Variants in SMARCA4 observed in about 807,000 individuals in gnomAD.
SMARCA4 encodes SWI/SNF related BAF chromatin remodeling complex subunit ATPase 4.
A neutral mutation model predicts 193.9 loss-of-function variants in SMARCA4; 31 were observed. That is an observed-to-expected ratio of 0.16 (90% confidence interval 0.12 to 0.22). The LOEUF is 0.22. SMARCA4 is among the 10% of genes least tolerant of loss of function. The probability of loss-of-function intolerance (pLI) is 1.00; values close to 1 mark genes in which losing one functional copy is unlikely to be tolerated. For synonymous variants in SMARCA4, 942 were observed against 933.1 expected (o/e 1.01, Z -0.17); for missense variants, 1,148 against 2,296.0 (o/e 0.50, Z 10.22).
In SMARCA4 at chr19:10,984,309, G is replaced by C. The variant is rs1298750034; in HGVS notation, c.158G>C (p.Gly53Ala). 6.2e-7 allele frequency: 1 copy of C among 1,607,096 alleles called. No homozygotes were observed. The highest frequency in any genetic ancestry group is 8.5e-7 in the Non-Finnish European group (1 of 1,177,224). Residue 53 changes from glycine to alanine, a missense_variant, in exon 2 of 35, where the codon GGA (glycine) becomes GCA (alanine). This residue lies in a region of SMARCA4 where 201 missense variants were observed against 248.3 expected (regional missense o/e 0.81). Coordinates refer to ENST00000344626, the MANE Select transcript of SMARCA4 (RefSeq NM_003072.5). This position sits in a 1 kb window ranked among gnomAD's most constrained non-coding sequence, Gnocchi z 4.3. Reference sequence around the variant, plus strand: ...CCCAGCCCAGGGCCGCCCTCAGCAGGACACCCCATCCCCACCCAGGGGCCT... The same window carrying C: ...CCCAGCCCAGGGCCGCCCTCAGCAGCACACCCCATCCCCACCCAGGGGCCT... Reference protein sequence around the residue: ...MGPSPGPPSAGHPIPTQGPGG... With the variant: ...MGPSPGPPSAAHPIPTQGPGG...
intron 15 of SMARCA4, chr19:11,010,979 T>C (rs2088778248): frequency 3.9e-6 from 1 of 256,982 alleles, no homozygotes; most frequent in Non-Finnish European, 7.9e-6. Context: ...AGCTTAGATC[T>C]AGGAGCCGGC....
In SMARCA4 at chr19:10,987,239, A is replaced by G. The variant is rs1402878764; in HGVS notation, c.859+236A>G. ...TTCACCCAGTCCCTGAGCCCTGTAT[A>G]TGTAATTGCTCAGTAAGTGCTGCAG... On this transcript the variant is annotated intron_variant, in intron 5 of 34. Coordinates refer to ENST00000344626, the MANE Select transcript of SMARCA4 (RefSeq NM_003072.5). The surrounding 1 kb of genome is among the most constrained non-coding windows in gnomAD (Gnocchi z 5.3). 6.6e-6 allele frequency among the ~76,000 whole-genome samples: 1 copy of G among 152,114 alleles called. No individual in the cohort carries two copies. The highest frequency in any genetic ancestry group is 1.5e-5 in the Non-Finnish European group (1 of 68,016).
rs377573682 is a variant in SMARCA4, at chr19:11,041,428, G to A, written c.4292G>A (p.Arg1431His). Residue 1431 changes from arginine (R) to histidine (H), a missense_variant, in exon 30 of 35, where the codon CGC (arginine) becomes CAC (histidine). Physicochemically the swap from Arg to His is conservative, Grantham distance 29. Transcript: ENST00000344626. The surrounding 1 kb of genome is among the most constrained non-coding windows in gnomAD (Gnocchi z 5.6). The stretch of plus-strand genomic sequence containing the variant: ...ACCCCGACCACCAGCACCCGCAGCC[G>A]CGACAAGGACGACGAGAGCAAGAAG... Reference protein sequence around the residue: ...SSTPTTSTRSRDKDDESKKQK... With the variant: ...SSTPTTSTRSHDKDDESKKQK... 7 of 1,612,344 alleles carry A rather than the reference G, an allele frequency of 4.3e-6. No individual in the cohort carries two copies. Among genetic ancestry groups the A allele is most frequent in the South Asian group, 1.1e-5 (1 of 91,080 alleles).
At chr19:11,059,103 T>G in intron 32 of SMARCA4, 1 of 526,644 alleles carries the variant, frequency 1.9e-6, no homozygotes, top group Non-Finnish European at 3.4e-6. Flanking sequence ...AACAAGACCC[T>G]GTCTTTAAAA....
Position 11,031,069 on chromosome 19 carries a change from C to T in SMARCA4, c.3546+176C>T. The stretch of plus-strand genomic sequence containing the variant: ...TCATCAGGGAGAAAAGAGGCGGGGT[C>T]CTCCTGTTTCCCAAAATACAAACAG... On this transcript the variant is annotated intron_variant, in intron 25 of 34. Transcript: ENST00000344626. The surrounding 1 kb of genome is among the most constrained non-coding windows in gnomAD (Gnocchi z 4.3). 5 of 664,060 alleles carry T rather than the reference C, an allele frequency of 7.5e-6. No homozygotes were observed. The highest frequency in any genetic ancestry group is 1.4e-5 in the Non-Finnish European group (5 of 368,674). 41.1% of individuals were successfully genotyped at this position (664,060 alleles called of 1,614,324 possible).
intron 30 of SMARCA4, among the ~76,000 whole-genome samples, chr19:11,051,587 T>A (rs557213972): frequency 7.0e-4 from 104 of 149,562 alleles, no homozygotes; most frequent in African/African-American, 2.6e-3. Flanking sequence ...GCCTCCTGGG[T>A]TCAAGCAATT....
At chr19:11,023,444 C>G (rs989048249) in intron 19 of SMARCA4, 74 bp from the exon 20 acceptor site, 4 of 968,712 alleles carry the variant, frequency 4.1e-6, no homozygotes, top group Non-Finnish European at 6.6e-6. Flanking sequence ...TCCCCACATC[C>G]GCACCTTCTA....
chr19:10,973,853 A>T (rs2084884249), intron 1 of SMARCA4, among the ~76,000 whole-genome samples: 1 of 151,954 alleles, frequency 6.6e-6, no homozygotes, highest in Non-Finnish European at 1.5e-5. Flanking sequence ...TACAGGCGTG[A>T]GCCACCGCGC....
chr19:11,025,203 G>A (rs935366543), intron 21 of SMARCA4, among the ~76,000 whole-genome samples: 3 of 152,280 alleles, frequency 2.0e-5, no homozygotes, highest in South Asian at 4.2e-4. Flanking sequence ...CCTGCCATCT[G>A]CCCTCTGCTG....
At chr19:11,007,755 A>C in intron 13 of SMARCA4, 147 bp from the exon 14 acceptor site, 1 of 691,590 alleles carries the variant, frequency 1.4e-6, no homozygotes, top group South Asian at 1.7e-5. Flanking sequence ...CAAAGATGTA[A>C]ATAATAAACA....
chr19:10,991,772 G>A (rs745674173), intron 8 of SMARCA4, among the ~76,000 whole-genome samples: 29 of 152,198 alleles, frequency 1.9e-4, no homozygotes, highest in Non-Finnish European at 3.7e-4. Flanking sequence ...ACCTGCATGA[G>A]CCAGAGTAGA....
chr19:11,003,437 C>T (rs760747668), intron 13 of SMARCA4, 40 bp downstream of exon 13: 1 of 1,533,224 alleles, frequency 6.5e-7, no homozygotes, highest in Non-Finnish European at 9.0e-7. Flanking sequence ...TCTCAGTGCC[C>T]ACTGGCAGTG....
intron 13 of SMARCA4, among the ~76,000 whole-genome samples, chr19:11,005,590 C>T (rs13345127): frequency 0.089 from 13,509 of 152,204 alleles, 665 homozygotes; most frequent in Non-Finnish European, 0.11. Context: ...GCCAGTGATA[C>T]GCTTTTCCCT....
At chr19:11,005,970 T>C (rs1011384476) in intron 13 of SMARCA4, among the ~76,000 whole-genome samples, 2 of 152,244 alleles carry the variant, frequency 1.3e-5, no homozygotes, top group Non-Finnish European at 2.9e-5. Flanking sequence ...ACTCCTATTT[T>C]AATTCCAGCA....
intron 8 of SMARCA4, among the ~76,000 whole-genome samples, chr19:10,994,318 GT>G (rs1006312137): frequency 3.5e-3 from 342 of 98,904 alleles, no homozygotes; most frequent in African/African-American, 0.01. Flanking sequence ...GATATTCTAG[GT>G]TTTTTTTTTT....
At chr19:10,974,987 C>T (rs1474816932) in intron 1 of SMARCA4, among the ~76,000 whole-genome samples, 2 of 148,232 alleles carry the variant, frequency 1.3e-5, no homozygotes, top group African/African-American at 2.5e-5. Context: ...TGTGAGACAC[C>T]ATGCCCAGCC....
chr19:10,980,128 C>T (rs1370305318), intron 1 of SMARCA4, among the ~76,000 whole-genome samples: 1 of 152,148 alleles, frequency 6.6e-6, no homozygotes, highest in African/African-American at 2.4e-5. Flanking sequence ...TTGCATCACT[C>T]CCGGGCTGTT....
chr19:11,016,245 A>G (rs770558917), intron 16 of SMARCA4, among the ~76,000 whole-genome samples: 1 of 152,092 alleles, frequency 6.6e-6, no homozygotes, highest in Non-Finnish European at 1.5e-5. Flanking sequence ...CCAGTACAGT[A>G]CAGGCCGTTC....
intron 23 of SMARCA4, among the ~76,000 whole-genome samples, chr19:11,026,907 CTG>C (rs2090306894): frequency 6.6e-6 from 1 of 152,230 alleles, no homozygotes; most frequent in Admixed American, 6.5e-5. Context: ...CCTCCAAGCT[CTG>C]TGACTCTAGA....
Sources: gnomAD v4.1 joint callset for allele counts (sites outside exome capture counted in the v4.1 genomes callset) on GRCh38, gnomAD v4.1.1 for gene constraint, gnomAD v4.1.1 regional missense constraint, Gnocchi (gnomAD v3.1) non-coding constraint, MANE v1.5 for transcripts, NCBI Gene and HGNC (gene_info 2026-07-23, HGNC 2026-07-21) for gene names.